The following FANCC variants were observed in gnomAD, a reference collection of about 807,000 sequenced individuals.
The protein encoded by FANCC is Fanconi anemia group C protein.
FANCC carries 55 observed loss-of-function variants against 71.3 expected under a neutral mutation model. That is an observed-to-expected ratio of 0.77 (90% confidence interval 0.62 to 0.97). The LOEUF is 0.97. Ranked by LOEUF, FANCC falls within the 50% of genes least tolerant of loss-of-function variation. The pLI, the probability that FANCC is intolerant of heterozygous loss-of-function variation, is 0.00. For synonymous variants in FANCC, 275 were observed against 244.9 expected (o/e 1.12, Z -1.15); for missense variants, 678 against 670.9 (o/e 1.01, Z -0.12).
chr9:95,189,573 G>C lies in FANCC; in HGVS notation c.346-17426C>G, dbSNP rs115063746. On this transcript the variant is annotated intron_variant, in intron 4 of 14. Coordinates refer to ENST00000289081, the MANE Select transcript of FANCC (RefSeq NM_000136.3). ...GCTTCCCAAAAACCAAAACCAAAAG[G>C]CTTTAGAAAATAAGCCTGAATGAAA... is the stretch of plus-strand genomic sequence containing the variant. 2.0e-3 allele frequency among the ~76,000 whole-genome samples: 297 copies of C among 152,192 alleles called. 1 individual carries two copies. The highest frequency in any genetic ancestry group is 6.7e-3 in the African/African-American group (280 of 41,522).
In FANCC at chr9:95,135,336, CA is replaced by C. The variant is rs1827516873; in HGVS notation, c.843+9del. On this transcript the variant is annotated intron_variant, in intron 8 of 14. Transcript: ENST00000289081. ...AAGGATTTTTCCCTTCATCAAAACC[CA>C]GTACGTACCAGCGATGAATCTTTTA... The C allele has an allele frequency of 6.2e-7, 1 of 1,613,466 alleles. No individual in the cohort carries two copies. The highest frequency in any genetic ancestry group is 1.3e-5 in the African/African-American group (1 of 74,908).
intron 4 of FANCC, among the ~76,000 whole-genome samples, chr9:95,195,169 G>A (rs1344100179): frequency 8.6e-6 from 1 of 116,622 alleles, no homozygotes; most frequent in Non-Finnish European, 1.6e-5. Context: ...CTGCACTCCA[G>A]CCTGGCAACA....
intron 1 of FANCC, among the ~76,000 whole-genome samples, chr9:95,258,768 C>T (rs1235680221): frequency 6.6e-6 from 1 of 152,202 alleles, no homozygotes; most frequent in Non-Finnish European, 1.5e-5. Context: ...TTACAGATGA[C>T]ATGATTGTAT....
In FANCC at chr9:95,149,926, A is replaced by G. The variant is rs2135426128; in HGVS notation, c.683T>C (p.Leu228Ser). The G allele has an allele frequency of 6.2e-7, 1 of 1,600,116 alleles. No individual in the cohort carries two copies. The highest frequency in any genetic ancestry group is 8.5e-7 in the Non-Finnish European group (1 of 1,173,194). The change falls in exon 7 of 15, where the codon TTG becomes TCG. Residue 228 changes from leucine to serine, a missense_variant. Physicochemically the swap from Leu to Ser is moderately radical, Grantham distance 145. Transcript: ENST00000289081. ...EFFEAVNEAI[L>S]LKKISLPMSA... Reference sequence around the variant, plus strand: ...ACAGGAAACATTTGCCACTTACAGCAAAATGGCCTCGTTTACAGCCTCAAA... The same window carrying G: ...ACAGGAAACATTTGCCACTTACAGCGAAATGGCCTCGTTTACAGCCTCAAA...
rs183625858 is a variant in FANCC at position 95,281,611 on chromosome 9, T to A, written c.-78-32242A>T. Among the ~76,000 whole-genome samples, 398 of 152,180 alleles carry A rather than the reference T, an allele frequency of 2.6e-3. 8 individuals are homozygous for A. Among genetic ancestry groups the A allele is most frequent in the South Asian group, 0.021 (99 of 4,816 alleles). ...CATCTGAAAGTATATAACTCACTGA[T>A]AAAAGCAAGTACACAGTCAAATTCT... On this transcript the variant is annotated intron_variant, in intron 1 of 14. Coordinates refer to ENST00000289081, the MANE Select transcript of FANCC (RefSeq NM_000136.3).
At position 95,136,325 on chromosome 9, in the gene FANCC, G is replaced by A. The variant is rs558881049; in HGVS notation, c.687-823C>T. On this transcript the variant is annotated intron_variant, in intron 7 of 14. Transcript: ENST00000289081. ...GAGGCAGGAGGATCGCTAGAGCCCA[G>A]GAGGCTGTGTTCACGTCACTGCACT... 3.9e-5 allele frequency among the ~76,000 whole-genome samples: 6 copies of A among 152,212 alleles called. 1 individual carries two copies. The South Asian group carries it at 1.0e-3, about 26-fold the overall frequency.
At chr9:95,316,839 A>G (rs1387157002) in intron 1 of FANCC, 2 of 152,292 alleles carry the variant, frequency 1.3e-5, no homozygotes, top group African/African-American at 4.8e-5. Context: ...CACCTGAAAA[A>G]TCTCTCACGG....
chr9:95,216,718 C>T (rs34045846), intron 4 of FANCC, among the ~76,000 whole-genome samples: 63,780 of 151,998 alleles, frequency 0.42, 13,567 homozygotes, highest in East Asian at 0.58. Flanking sequence ...GTGACACAAA[C>T]CCACATGTGC....
chr9:95,253,270 A>C (rs1425476280), intron 1 of FANCC, among the ~76,000 whole-genome samples: 1 of 152,072 alleles, frequency 6.6e-6, no homozygotes, highest in African/African-American at 2.4e-5. Context: ...CTGGTTAATT[A>C]AAGTACCCTG....
rs1489638558 is a variant in FANCC at position 95,227,244 on chromosome 9, T to C, written c.345+13405A>G. The stretch of plus-strand genomic sequence containing the variant: ...GCCATAGGTCCTTTTTCCTTTGTCT[T>C]TCCAACTTGCCTTGCCTGCAGAAAG... On this transcript the variant is annotated intron_variant, in intron 4 of 14. Coordinates refer to ENST00000289081, the MANE Select transcript of FANCC (RefSeq NM_000136.3). 2.6e-5 allele frequency among the ~76,000 whole-genome samples: 4 copies of C among 152,154 alleles called. No individual in the cohort carries two copies. The South Asian group carries it at 6.2e-4, about 24-fold the overall frequency.
chr9:95,195,819 C>T (rs1427245215), intron 4 of FANCC, among the ~76,000 whole-genome samples: 1 of 152,108 alleles, frequency 6.6e-6, no homozygotes, highest in Non-Finnish European at 1.5e-5. Context: ...TTAAACAGAT[C>T]CCATTTTGTT....
intron 4 of FANCC, among the ~76,000 whole-genome samples, chr9:95,198,955 G>T (rs1198332320): frequency 6.6e-6 from 1 of 152,094 alleles, no homozygotes; most frequent in African/African-American, 2.4e-5. Flanking sequence ...GCCCAGGCTG[G>T]CCAGGAACTC....
intron 1 of FANCC, among the ~76,000 whole-genome samples, chr9:95,277,807 C>T (rs1833134226): frequency 6.6e-6 from 1 of 152,118 alleles, no homozygotes; most frequent in Non-Finnish European, 1.5e-5. Flanking sequence ...AATCCCATAT[C>T]CCCCAAAACT....
chr9:95,247,400 C>A (rs912141653), intron 3 of FANCC, 32 bp downstream of exon 3: 8 of 1,488,964 alleles, frequency 5.4e-6, no homozygotes, highest in Non-Finnish European at 7.5e-6. Flanking sequence ...ATTAAAATAG[C>A]CATTTTGAGA....
intron 4 of FANCC, among the ~76,000 whole-genome samples, chr9:95,216,446 C>A (rs1828866989): frequency 6.6e-6 from 1 of 152,192 alleles, no homozygotes; most frequent in South Asian, 2.1e-4. Context: ...AATCAGAAGA[C>A]TATAGGGACC....
At chr9:95,255,176 C>G (rs1343429043) in intron 1 of FANCC, among the ~76,000 whole-genome samples, 1 of 152,110 alleles carries the variant, frequency 6.6e-6, no homozygotes, top group Non-Finnish European at 1.5e-5. Flanking sequence ...AAGAGAGCAG[C>G]AGATCTCCCA....
intron 1 of FANCC, among the ~76,000 whole-genome samples, chr9:95,311,234 A>C (rs956435603): frequency 1.9e-5 from 1 of 53,482 alleles, no homozygotes; most frequent in Admixed American, 1.4e-4. Flanking sequence ...ATTCCGTCTC[A>C]AAAAAAAAAA....
At chr9:95,245,901 A>C (rs1352808894) in intron 3 of FANCC, among the ~76,000 whole-genome samples, 1 of 150,166 alleles carries the variant, frequency 6.7e-6, no homozygotes, top group Non-Finnish European at 1.5e-5. Context: ...TCTGTCTCAA[A>C]AAAAAAAAAA....
At chr9:95,304,444 A>AT (rs1340796557) in intron 1 of FANCC, among the ~76,000 whole-genome samples, 1 of 151,806 alleles carries the variant, frequency 6.6e-6, no homozygotes, top group African/African-American at 2.4e-5. Flanking sequence ...AACCTCTTTA[A>AT]TTTTTTTTAA....
Sources: gnomAD v4.1 joint callset for allele counts (sites outside exome capture counted in the v4.1 genomes callset) on GRCh38, gnomAD v4.1.1 for gene constraint, MANE v1.5 for transcripts, NCBI Gene and HGNC (gene_info 2026-07-23, HGNC 2026-07-21) for gene names.